LPIN1: variants seen among roughly 807,000 people sequenced by gnomAD.
LPIN1 encodes the protein lipin 1.
In LPIN1, 71 loss-of-function variants were observed where a neutral mutation model predicts 107.5. The ratio of observed to expected loss-of-function variants is 0.66; its 90% CI spans 0.55 to 0.80. LPIN1 has a LOEUF of 0.80. LPIN1 is among the 30% of genes least tolerant of loss of function. LPIN1 has a pLI of 0.00. For missense variants in LPIN1, 1,043 were observed against 1,160.6 expected (o/e 0.90, Z 1.47); for synonymous variants, 445 against 452.6 (o/e 0.98, Z 0.21).
At chr2:11,746,601 C>T, upstream of LPIN1, 1 of 984,564 alleles carries the variant, frequency 1.0e-6, no homozygotes, top group Non-Finnish European at 1.2e-6. Flanking sequence ...CCCCCGAAGG[C>T]GAGCTGCGCT....
At chr2:11,794,803 A>G (rs1257976022) in intron 13 of LPIN1, among the ~76,000 whole-genome samples, 2 of 152,058 alleles carry the variant, frequency 1.3e-5, no homozygotes, top group Non-Finnish European at 2.9e-5. Context: ...GCGTTAGGAG[A>G]TGGAGAATTT....
chr2:11,746,792 G>A lies in LPIN1; in HGVS notation c.-10+121G>A, dbSNP rs551614845. On this transcript the variant is annotated intron_variant, in intron 1 of 20. Coordinates refer to ENST00000674199, the MANE Select transcript of LPIN1 (RefSeq NM_001349206.2). ...GTGGCGAGGCGGGGGCTCGGCCCCG[G>A]GGCCCGAGGACCGACGGCCGGGCTA... is the stretch of plus-strand genomic sequence containing the variant. The A allele has an allele frequency of 7.2e-3, 2,647 of 367,678 alleles. 54 individuals carry two copies. The highest frequency in any genetic ancestry group is 0.049 in the African/African-American group (2,209 of 45,258). The allele number at this position is 367,678 out of a possible 1,614,324, so 22.8% of individuals were successfully genotyped here. A position where few individuals can be genotyped will look rare whatever the true frequency, so the allele number is the denominator to read the frequency against.
chr2:11,760,117 C>G (rs1222043535), intron 1 of LPIN1, among the ~76,000 whole-genome samples: 1 of 146,326 alleles, frequency 6.8e-6, no homozygotes, highest in Admixed American at 6.8e-5. Flanking sequence ...ACATCTCAGA[C>G]GATGGGCGGC....
chr2:11,747,111 C>T (rs376772886), intron 1 of LPIN1, among the ~76,000 whole-genome samples: 60 of 152,356 alleles, frequency 3.9e-4, no homozygotes, highest in African/African-American at 1.3e-3. Context: ...TTCTTTCCCC[C>T]GGAGTTAGGA....
At chr2:11,762,308 G>A (rs928688778) in intron 1 of LPIN1, among the ~76,000 whole-genome samples, 2 of 152,056 alleles carry the variant, frequency 1.3e-5, no homozygotes, top group African/African-American at 4.8e-5. Context: ...TCACCAACCT[G>A]GAAGTTCTCT....
intron 1 of LPIN1, among the ~76,000 whole-genome samples, chr2:11,726,282 G>A (rs1054990873): frequency 3.3e-5 from 5 of 152,078 alleles, no homozygotes; most frequent in Admixed American, 6.5e-5. Flanking sequence ...AGGACAAAAC[G>A]CTAACTCCTT....
At chr2:11,752,253 A>G (rs537185979) in intron 1 of LPIN1, among the ~76,000 whole-genome samples, 3 of 152,074 alleles carry the variant, frequency 2.0e-5, no homozygotes, top group Non-Finnish European at 2.9e-5. Flanking sequence ...TGATTCTCCT[A>G]CTTTTCATGG....
Position 11,765,619 on chromosome 2 carries a change from A to G in LPIN1, c.78A>G (p.Thr26=), listed in dbSNP as rs1387968662. The G allele has an allele frequency of 1.2e-6, 2 of 1,613,986 alleles. No homozygotes were observed. Among genetic ancestry groups the G allele is most frequent in the Non-Finnish European group, 1.7e-6 (2 of 1,179,970 alleles). The change falls in exon 2 of 21, where the codon ACA becomes ACG. Residue 26 remains threonine (T), a synonymous_variant. Coordinates refer to ENST00000674199, the MANE Select transcript of LPIN1 (RefSeq NM_001349206.2). This position sits in a 1 kb window ranked among gnomAD's most constrained non-coding sequence, Gnocchi z 4.4. ...KELYKGLNPA[T]LSGCIDIIVI... is the part of the protein sequence containing the mutation. Reference sequence around the variant, plus strand: ...TCTACAAGGGGCTGAATCCCGCCACACTCTCAGGGTGCATTGACATCATTG... The same window carrying G: ...TCTACAAGGGGCTGAATCCCGCCACGCTCTCAGGGTGCATTGACATCATTG...
chr2:11,718,381 C>T (rs1205248272), intron 2 of LPIN1, among the ~76,000 whole-genome samples: 1 of 150,836 alleles, frequency 6.6e-6, no homozygotes, highest in Non-Finnish European at 1.5e-5. Flanking sequence ...GTGCCCACTA[C>T]CATGCCCAGC....
intron 1 of LPIN1, among the ~76,000 whole-genome samples, chr2:11,702,464 C>A (rs1662921217): frequency 6.6e-6 from 1 of 152,086 alleles, no homozygotes; most frequent in Non-Finnish European, 1.5e-5. Context: ...AAGGCCTGGC[C>A]CTGGGAAGGT....
chr2:11,814,512 A>ATGTGTGTGTGTGTGTGTGTGTG (rs71394769), intron 17 of LPIN1, among the ~76,000 whole-genome samples: 6 of 138,434 alleles, frequency 4.3e-5, no homozygotes, highest in South Asian at 2.4e-4. Context: ...GTGTGTGTGC[A>ATGTGTGTGTGTGTGTGTGTGTG]TGTGTGTGTG....
chr2:11,717,244 C>T (rs577218184), intron 2 of LPIN1, among the ~76,000 whole-genome samples: 2 of 152,312 alleles, frequency 1.3e-5, no homozygotes, highest in East Asian at 3.9e-4. Context: ...TGCACATTGC[C>T]CTGTGGATTC....
intron 2 of LPIN1, among the ~76,000 whole-genome samples, chr2:11,717,267 G>A (rs1663809903): frequency 6.6e-6 from 1 of 152,182 alleles, no homozygotes; most frequent in African/African-American, 2.4e-5. Flanking sequence ...ACCTGATAGA[G>A]GAGGGTCTGG....
intron 18 of LPIN1, chr2:11,818,045 C>CT (rs1680896379): frequency 6.7e-6 from 1 of 149,670 alleles, no homozygotes; most frequent in Non-Finnish European, 1.5e-5. Context: ...TTGGGGCTTT[C>CT]TGTTTTGTTC....
intron 15 of LPIN1, 119 bp from the exon 16 acceptor site, chr2:11,804,304 C>T: frequency 1.9e-6 from 2 of 1,055,602 alleles, no homozygotes; most frequent in Non-Finnish European, 2.9e-6. Flanking sequence ...TATACAAGGG[C>T]CCAGGGCAGT....
At chr2:11,685,026 G>C (rs1401512605) in intron 1 of LPIN1, among the ~76,000 whole-genome samples, 1 of 152,120 alleles carries the variant, frequency 6.6e-6, no homozygotes, top group Non-Finnish European at 1.5e-5. Context: ...ATGTCAGATG[G>C]GGAGAGGGGT....
At chr2:11,780,947 A>G (rs1291598887) in intron 7 of LPIN1, among the ~76,000 whole-genome samples, 2 of 152,248 alleles carry the variant, frequency 1.3e-5, no homozygotes, top group African/African-American at 2.4e-5. Flanking sequence ...ATATGTTTCT[A>G]AAAACATGAA....
At chr2:11,815,003 C>T (rs1680327437) in intron 17 of LPIN1, 85 bp from the exon 18 acceptor site, 1 of 1,313,118 alleles carries the variant, frequency 7.6e-7, no homozygotes, top group Non-Finnish European at 1.1e-6. Context: ...CCATTCTCCA[C>T]AGAACAGATA....
intron 1 of LPIN1, among the ~76,000 whole-genome samples, chr2:11,737,584 C>G (rs926970376): frequency 6.6e-6 from 1 of 152,058 alleles, no homozygotes; most frequent in Non-Finnish European, 1.5e-5. Context: ...AGGATATGAA[C>G]AGACAGTTCT....
Sources: allele counts gnomAD v4.1 joint callset (sites outside exome capture counted in the v4.1 genomes callset), GRCh38; gene constraint gnomAD v4.1.1; non-coding constraint Gnocchi (gnomAD v3.1); transcripts MANE v1.5; gene names NCBI Gene and HGNC (gene_info 2026-07-23, HGNC 2026-07-21).